The following LRP1B variants were observed in gnomAD, a reference collection of about 807,000 sequenced individuals.
LRP1B encodes low-density lipoprotein receptor-related protein 1B.
LRP1B carries 217 observed loss-of-function variants against 556.6 expected under a neutral mutation model. The observed-to-expected ratio is 0.39, with a 90% CI of 0.35 to 0.44. The LOEUF is 0.44. Ranked by LOEUF, LRP1B falls within the 20% of genes least tolerant of loss-of-function variation. The probability of loss-of-function intolerance (pLI) is 1.00; values close to 1 mark genes in which losing one functional copy is unlikely to be tolerated. For missense variants in LRP1B, 5,053 were observed against 5,620.8 expected, an observed-to-expected ratio of 0.90 and a Z score of 3.23; for synonymous variants, 2,047 against 1,865.8, an observed-to-expected ratio of 1.10 and a Z score of -2.50.
chr2:141,669,571 T>C (rs2105409939), intron 2 of LRP1B, among the ~76,000 whole-genome samples: 1 of 152,206 alleles, frequency 6.6e-6, no homozygotes. Flanking sequence ...CCTGTAAGAC[T>C]TGCTACCTTT....
rs112302453 is a variant in LRP1B at position 141,636,932 on chromosome 2, A to G, written c.206-156399T>C. Among the ~76,000 whole-genome samples the G allele has an allele frequency of 1.8e-3, 276 of 152,286 alleles. 1 individual carries two copies. Among genetic ancestry groups the G allele is most frequent in the African/African-American group, 6.4e-3 (264 of 41,560 alleles). ...GTAAATATATAGAAGGATGCCTGGA[A>G]AAATATATTCCAAACTATTGAAAAT... On this transcript the variant is annotated intron_variant, in intron 2 of 90. Transcript: ENST00000389484.
chr2:141,797,146 C>CATATATATATAT (rs6146945), intron 2 of LRP1B, among the ~76,000 whole-genome samples: 30 of 79,078 alleles, frequency 3.8e-4, no homozygotes, highest in Non-Finnish European at 4.9e-4. Context: ...TGAAAATAAT[C>CATATATATATAT]ATATATATAT....
intron 43 of LRP1B, among the ~76,000 whole-genome samples, chr2:140,563,429 T>TA (rs5834757): frequency 0.99 from 150,573 of 152,284 alleles, 74,463 homozygotes; most frequent in East Asian, 1. Flanking sequence ...TTAAAAAATT[T>TA]ATGAAGCATT....
At chr2:140,475,995 T>A (rs1422295527) in intron 59 of LRP1B, among the ~76,000 whole-genome samples, 1 of 151,950 alleles carries the variant, frequency 6.6e-6, no homozygotes, top group Non-Finnish European at 1.5e-5. Flanking sequence ...TACATTATGT[T>A]ATTAGAAGTT....
chr2:141,244,249 C>T (rs1373749245), intron 5 of LRP1B, among the ~76,000 whole-genome samples: 1 of 152,188 alleles, frequency 6.6e-6, no homozygotes, highest in Admixed American at 6.6e-5. Context: ...CTAGTTCTAG[C>T]TTTCCATTGC....
At chr2:140,974,335 A>G (rs1330159525) in intron 18 of LRP1B, among the ~76,000 whole-genome samples, 1 of 152,194 alleles carries the variant, frequency 6.6e-6, no homozygotes, top group Non-Finnish European at 1.5e-5. Context: ...AAAGAGATTA[A>G]GTTACAAAGC....
chr2:141,989,225 T>G (rs1473537014), intron 1 of LRP1B, among the ~76,000 whole-genome samples: 1 of 152,040 alleles, frequency 6.6e-6, no homozygotes, highest in Non-Finnish European at 1.5e-5. Flanking sequence ...TTAGAAATGG[T>G]AATGATTTGC....
intron 77 of LRP1B, among the ~76,000 whole-genome samples, chr2:140,338,068 G>GAA (rs35692268): frequency 7.0e-6 from 1 of 142,044 alleles, no homozygotes; most frequent in Non-Finnish European, 1.5e-5. Flanking sequence ...TTAGAAAAAC[G>GAA]AAAAAAAAAA....
At chr2:141,680,326 T>C (rs1300743254) in intron 2 of LRP1B, among the ~76,000 whole-genome samples, 3 of 152,050 alleles carry the variant, frequency 2.0e-5, no homozygotes, top group Non-Finnish European at 4.4e-5. Context: ...ACGTTTTAAA[T>C]AGAAAAAACT....
intron 11 of LRP1B, among the ~76,000 whole-genome samples, chr2:141,033,547 A>AG (rs1478748012): frequency 6.6e-6 from 1 of 152,000 alleles, no homozygotes; most frequent in African/African-American, 2.4e-5. Context: ...CCTCAAAAAA[A>AG]AAAAAATCAT....
intron 7 of LRP1B, among the ~76,000 whole-genome samples, chr2:141,142,121 A>G (rs1701668180): frequency 6.6e-6 from 1 of 152,076 alleles, no homozygotes; most frequent in Non-Finnish European, 1.5e-5. Flanking sequence ...AAAATACCCT[A>G]ATTATCTTCC....
At chr2:141,094,247 T>C (rs185608430) in intron 7 of LRP1B, among the ~76,000 whole-genome samples, 95 of 152,332 alleles carry the variant, frequency 6.2e-4, no homozygotes, top group Middle Eastern at 3.4e-3. Flanking sequence ...AATTGACATT[T>C]TGTTTATTCT....
chr2:140,351,543 C>T (rs1424998038), intron 76 of LRP1B, among the ~76,000 whole-genome samples: 1 of 151,994 alleles, frequency 6.6e-6, no homozygotes, highest in Non-Finnish European at 1.5e-5. Flanking sequence ...AAAAAGATAT[C>T]AGTATTTATT....
At chr2:140,401,830 T>G (rs1684516565) in intron 66 of LRP1B, among the ~76,000 whole-genome samples, 1 of 152,236 alleles carries the variant, frequency 6.6e-6, no homozygotes, top group African/African-American at 2.4e-5. Context: ...CAATCTCAGC[T>G]ATCACCATTG....
chr2:141,761,139 C>T (rs1194441164), intron 2 of LRP1B, among the ~76,000 whole-genome samples: 1 of 152,140 alleles, frequency 6.6e-6, no homozygotes, highest in African/African-American at 2.4e-5. Context: ...AAACACTCTT[C>T]ATTAAGTTCA....
At chr2:140,485,578 G>T in intron 58 of LRP1B, 54 bp from the exon 59 acceptor site, 1 of 1,282,806 alleles carries the variant, frequency 7.8e-7, no homozygotes, top group Non-Finnish European at 1.1e-6. Flanking sequence ...AATAAGAAGT[G>T]AGCAATTGCT....
chr2:141,424,768 CATATTGAA>C (rs887415393), intron 3 of LRP1B, among the ~76,000 whole-genome samples: 11 of 152,098 alleles, frequency 7.2e-5, no homozygotes, highest in Non-Finnish European at 1.3e-4. Flanking sequence ...GTATCAGAAA[CATATTGAA>C]ATAATATGTA....
intron 37 of LRP1B, among the ~76,000 whole-genome samples, chr2:140,708,342 A>C (rs1686913433): frequency 6.6e-6 from 1 of 151,878 alleles, no homozygotes; most frequent in East Asian, 1.9e-4. Flanking sequence ...CTTATTTGTC[A>C]ATTTCTTTCT....
chr2:141,420,663 G>A (rs1001452186), intron 3 of LRP1B, among the ~76,000 whole-genome samples: 3 of 152,112 alleles, frequency 2.0e-5, no homozygotes, highest in African/African-American at 7.2e-5. Context: ...CCTCTAAGAA[G>A]ATAGAACATT....
Sources: gnomAD v4.1 joint callset for allele counts (sites outside exome capture counted in the v4.1 genomes callset) on GRCh38, gnomAD v4.1.1 for gene constraint, MANE v1.5 for transcripts, NCBI Gene and HGNC (gene_info 2026-07-23, HGNC 2026-07-21) for gene names.